The following BICRA variants were observed in gnomAD, a reference collection of about 807,000 sequenced individuals.
BICRA encodes the protein BRD4 interacting chromatin remodeling complex associated protein, also known as BRD4-interacting chromatin-remodeling complex-associated protein.
A neutral mutation model predicts 96.9 loss-of-function variants in BICRA; 31 were observed. The observed-to-expected ratio is 0.32, with a 90% CI of 0.24 to 0.43. The LOEUF is 0.43. Among genes scored for constraint, BICRA ranks in the 20% least tolerant of loss-of-function variants. The probability of loss-of-function intolerance (pLI) is 1.00; values close to 1 mark genes in which losing one functional copy is unlikely to be tolerated. For synonymous variants in BICRA, 1,350 were observed against 1,071.8 expected (o/e 1.26, Z -5.07); for missense variants, 2,283 against 2,190.3 (o/e 1.04, Z -0.84).
At chr19:47,683,420 T>C (rs914613608) in intron 7 of BICRA, among the ~76,000 whole-genome samples, 2 of 152,222 alleles carry the variant, frequency 1.3e-5, no homozygotes, top group Non-Finnish European at 2.9e-5. Context: ...TTGTACTTTC[T>C]GTTCTATGAA....
Position 47,702,223 on chromosome 19 carries a change from C to T in BICRA, c.4491C>T (p.Leu1497=), listed in dbSNP as rs373158126. The change falls in exon 15 of 15, where the codon CTC becomes CTT. Residue 1497 remains leucine, a synonymous_variant. Transcript: ENST00000594866. ...FSSDSPQDDT[L]TEHLQSAIDS... Reference sequence around the variant, plus strand: ...GCGACAGCCCGCAGGATGACACGCTCACCGAGCACCTGCAGAGCGCCATCG... The same window carrying T: ...GCGACAGCCCGCAGGATGACACGCTTACCGAGCACCTGCAGAGCGCCATCG... The T allele has an allele frequency of 1.3e-4, 214 of 1,599,048 alleles. No homozygotes were observed. Among genetic ancestry groups the T allele is most frequent in the Non-Finnish European group, 1.7e-4 (206 of 1,177,750 alleles).
chr19:47,620,760 A>G (rs985964870), intron 1 of BICRA, among the ~76,000 whole-genome samples: 3 of 151,268 alleles, frequency 2.0e-5, no homozygotes, highest in Non-Finnish European at 4.4e-5. Flanking sequence ...TGGGCTCCAC[A>G]CAGACCAAAC....
chr19:47,621,730 A>G (rs1268390026), intron 1 of BICRA, among the ~76,000 whole-genome samples: 14 of 151,772 alleles, frequency 9.2e-5, no homozygotes, highest in South Asian at 8.3e-4. Context: ...CCGCCTCCCA[A>G]AGTGCTGGGA....
At chr19:47,637,737 T>C (rs1398113689) in intron 1 of BICRA, among the ~76,000 whole-genome samples, 1 of 152,198 alleles carries the variant, frequency 6.6e-6, no homozygotes, top group African/African-American at 2.4e-5. Flanking sequence ...TTTATTTCGC[T>C]TCCTGTCTCC....
At chr19:47,672,159 GTAGA>G (rs1404812978) in intron 2 of BICRA, among the ~76,000 whole-genome samples, 3 of 139,080 alleles carry the variant, frequency 2.2e-5, no homozygotes, top group South Asian at 2.5e-4. Flanking sequence ...GCATGGGTAG[GTAGA>G]TGGATGGAAG....
Position 47,680,454 on chromosome 19 carries a change from G to A in BICRA, c.1284G>A (p.Pro428=), listed in dbSNP as rs1484909949. The stretch of plus-strand genomic sequence containing the variant: ...AAGCGAACGTCTTCAAGCAGCCACC[G>A]GCCACCACCACCGGAGCGGCCCCGC... ...ALQANVFKQP[P]ATTTGAAPPQ... Residue 428 remains proline (P), a synonymous_variant, in exon 6 of 15, where the codon CCG becomes CCA. Transcript: ENST00000594866. 5 of 1,539,698 alleles carry A rather than the reference G, an allele frequency of 3.2e-6. No individual in the cohort carries two copies. The highest frequency in any genetic ancestry group is 2.5e-5 in the East Asian group (1 of 40,808).
chr19:47,614,674 G>C (rs1971958257), intron 1 of BICRA, among the ~76,000 whole-genome samples: 1 of 152,200 alleles, frequency 6.6e-6, no homozygotes, highest in South Asian at 2.1e-4. Context: ...ACAGATGGTA[G>C]TCTGGTCTAT....
intron 1 of BICRA, among the ~76,000 whole-genome samples, chr19:47,643,580 C>G (rs1280239292): frequency 6.6e-6 from 1 of 152,164 alleles, no homozygotes; most frequent in Non-Finnish European, 1.5e-5. Context: ...ACACCAGCCT[C>G]CCACTGGGTG....
At chr19:47,672,121 T>TG (rs745377784) in intron 2 of BICRA, among the ~76,000 whole-genome samples, 2 of 109,192 alleles carry the variant, frequency 1.8e-5, no homozygotes, top group Non-Finnish European at 3.6e-5. Context: ...GGATGGAGGA[T>TG]GGGTAGGTAG....
chr19:47,700,239 C>T (rs1973419081), intron 14 of BICRA: 1 of 152,234 alleles, frequency 6.6e-6, no homozygotes, highest in African/African-American at 2.4e-5. Context: ...TGATGATCAG[C>T]TTACAATCTC....
intron 7 of BICRA, among the ~76,000 whole-genome samples, chr19:47,691,453 T>A (rs903573193): frequency 6.6e-6 from 1 of 152,252 alleles, no homozygotes; most frequent in Admixed American, 6.5e-5. Context: ...TTTTGCTACA[T>A]CTGCCTTGAC....
chr19:47,679,390 C>G lies in BICRA; in HGVS notation c.220C>G (p.Leu74Val). Residue 74 changes from leucine (L) to valine (V), a missense_variant, in exon 6 of 15, where the codon CTA (leucine) becomes GTA (valine). By Grantham distance (32) the Leu-to-Val change is conservative. Coordinates refer to ENST00000594866, the MANE Select transcript of BICRA (RefSeq NM_001394372.1). ...EPNQPAPSVD[L>V]DFLEDDILGS... ...CAACCAGCCGGCCCCCAGTGTGGAC[C>G]TAGACTTCCTGGAAGATGACATCCT... 1 of 1,454,606 alleles carries G rather than the reference C, an allele frequency of 6.9e-7. No homozygotes were observed. The highest frequency in any genetic ancestry group is 9.1e-7 in the Non-Finnish European group (1 of 1,100,820). 90.1% of individuals were successfully genotyped at this position (1,454,606 alleles called of 1,614,324 possible).
chr19:47,701,803 C>T lies in BICRA; in HGVS notation c.4071C>T (p.Gly1357=), dbSNP rs772621669. ...CGCCACCACCACCGCCGCCCACGGG[C>T]CAGATGAACGGCACGGTGGACCACC... The part of the protein sequence containing the change: ...PRPPPPPPPT[G]QMNGTVDHPP... Residue 1357 remains glycine (G), a synonymous_variant, in exon 15 of 15, where the codon GGC becomes GGT. Coordinates refer to ENST00000594866, the MANE Select transcript of BICRA (RefSeq NM_001394372.1). The surrounding 1 kb of genome is among the most constrained non-coding windows in gnomAD (Gnocchi z 5.4). 18 of 1,537,970 alleles carry T rather than the reference C, an allele frequency of 1.2e-5. No individual in the cohort carries two copies. The African/African-American group carries it at 2.1e-4, about 18-fold the overall frequency.
chr19:47,622,294 G>A (rs922556221), intron 1 of BICRA, among the ~76,000 whole-genome samples: 2 of 151,032 alleles, frequency 1.3e-5, no homozygotes, highest in Non-Finnish European at 3.0e-5. Flanking sequence ...GGGTTTCGCC[G>A]CCATGTTGGC....
At chr19:47,662,847 C>G (rs908772349) in intron 1 of BICRA, 1 of 152,198 alleles carries the variant, frequency 6.6e-6, no homozygotes, top group Non-Finnish European at 1.5e-5. Context: ...ACCACAGTGG[C>G]CTTTGTTTCA....
chr19:47,665,905 G>A (rs532132151), intron 1 of BICRA, among the ~76,000 whole-genome samples: 5 of 152,340 alleles, frequency 3.3e-5, no homozygotes, highest in Middle Eastern at 3.4e-3. Flanking sequence ...GGCCATGTGC[G>A]GCAAACAGCA....
At chr19:47,683,880 G>C (rs1426747494) in intron 7 of BICRA, among the ~76,000 whole-genome samples, 2 of 152,152 alleles carry the variant, frequency 1.3e-5, no homozygotes, top group African/African-American at 4.8e-5. Flanking sequence ...CACCGCACCT[G>C]GCCTACCTTC....
At chr19:47,692,706 T>TG in intron 7 of BICRA, among the ~76,000 whole-genome samples, 1 of 152,254 alleles carries the variant, frequency 6.6e-6, no homozygotes, top group South Asian at 2.1e-4. Flanking sequence ...ACTGATTGAT[T>TG]GATTGGTTTG....
intron 1 of BICRA, among the ~76,000 whole-genome samples, chr19:47,623,667 T>C (rs1053707492): frequency 2.0e-5 from 3 of 152,062 alleles, no homozygotes; most frequent in African/African-American, 7.2e-5. Flanking sequence ...GTCTGAGGAT[T>C]GCCAGCTGAG....
Sources: allele counts gnomAD v4.1 joint callset (sites outside exome capture counted in the v4.1 genomes callset), GRCh38; gene constraint gnomAD v4.1.1; non-coding constraint Gnocchi (gnomAD v3.1); transcripts MANE v1.5; gene names NCBI Gene and HGNC (gene_info 2026-07-23, HGNC 2026-07-21).